The following TRAF5 variants were observed in gnomAD, a reference collection of about 807,000 sequenced individuals.
TRAF5 encodes TNF receptor associated factor 5.
TRAF5 carries 48 observed loss-of-function variants against 64.5 expected under a neutral mutation model. The ratio of observed to expected loss-of-function variants is 0.74; its 90% confidence interval spans 0.59 to 0.95. The LOEUF (loss-of-function observed/expected upper bound fraction) is 0.95, where lower values mean the gene tolerates loss of function less well. TRAF5 is among the 40% of genes least tolerant of loss of function. The pLI is 0.00. For synonymous variants in TRAF5, 206 were observed against 240.5 expected, an observed-to-expected ratio of 0.86 and a Z score of 1.33; for missense variants, 545 against 662.8, an observed-to-expected ratio of 0.82 and a Z score of 1.95.
intron 1 of TRAF5, among the ~76,000 whole-genome samples, chr1:211,346,171 C>T (rs1157005183): frequency 6.6e-6 from 1 of 152,214 alleles, no homozygotes. Flanking sequence ...GAAATCAGCA[C>T]AGACACCTCA....
intron 4 of TRAF5, chr1:211,357,380 T>A (rs1703001012): frequency 6.6e-6 from 1 of 152,242 alleles, no homozygotes; most frequent in Admixed American, 6.5e-5. Flanking sequence ...GAACTTTTGT[T>A]ATGTTTTCAT....
chr1:211,359,858 C>A (rs367703932), intron 4 of TRAF5, 54 bp from the exon 5 acceptor site: 144 of 1,608,502 alleles, frequency 9.0e-5, no homozygotes, highest in Admixed American at 1.2e-4. Context: ...CAGCTGACTT[C>A]TTTCCTACCA....
chr1:211,349,359 TG>T (rs1327038994), intron 1 of TRAF5, among the ~76,000 whole-genome samples: 1 of 152,254 alleles, frequency 6.6e-6, no homozygotes, highest in Non-Finnish European at 1.5e-5. Context: ...GCAGATTCCG[TG>T]TCTGGTGAGG....
chr1:211,366,953 A>C (rs1369235206), intron 8 of TRAF5, among the ~76,000 whole-genome samples: 1 of 132,562 alleles, frequency 7.5e-6, no homozygotes, highest in African/African-American at 2.6e-5. Flanking sequence ...ATTGGAAAAC[A>C]CTTGGTCAGC....
intron 1 of TRAF5, among the ~76,000 whole-genome samples, chr1:211,347,671 T>A (rs1702653640): frequency 6.6e-6 from 1 of 152,122 alleles, no homozygotes; most frequent in African/African-American, 2.4e-5. Flanking sequence ...AAGGAGACTG[T>A]GAGAGTCACA....
chr1:211,336,834 C>CT (rs1331705298), intron 1 of TRAF5, among the ~76,000 whole-genome samples: 1 of 152,170 alleles, frequency 6.6e-6, no homozygotes, highest in East Asian at 1.9e-4. Context: ...TAATTTTTGT[C>CT]TTTTTGGTAG....
chr1:211,353,557 C>T (rs1702866091), intron 2 of TRAF5, 100 bp downstream of exon 2: 4 of 1,194,700 alleles, frequency 3.3e-6, no homozygotes, highest in South Asian at 2.7e-5. Context: ...AGTTGTTTTA[C>T]TTGGCCACAG....
intron 3 of TRAF5, 136 bp from the exon 4 acceptor site, chr1:211,356,231 A>G (rs1702959452): frequency 1.6e-6 from 1 of 619,554 alleles, no homozygotes; most frequent in Non-Finnish European, 2.8e-6. Flanking sequence ...TGTAAGTGTG[A>G]TATTTCCATT....
At chr1:211,345,750 G>A (rs1023995527) in intron 1 of TRAF5, among the ~76,000 whole-genome samples, 3 of 152,214 alleles carry the variant, frequency 2.0e-5, no homozygotes, top group African/African-American at 7.2e-5. Context: ...CCTGTCCACA[G>A]AGAGAGGGGC....
chr1:211,338,368 A>G (rs1372319110), intron 1 of TRAF5, among the ~76,000 whole-genome samples: 1 of 152,188 alleles, frequency 6.6e-6, no homozygotes, highest in Non-Finnish European at 1.5e-5. Flanking sequence ...AGTTTTGTGC[A>G]TATGCATACG....
intron 1 of TRAF5, among the ~76,000 whole-genome samples, chr1:211,345,949 C>A (rs982577767): frequency 6.6e-6 from 1 of 152,232 alleles, no homozygotes; most frequent in South Asian, 2.1e-4. Context: ...AAATTTCACC[C>A]TACCTCATGC....
At position 211,372,653 on chromosome 1, in the gene TRAF5, C is replaced by T. The variant is rs763736869; in HGVS notation, c.1625C>T (p.Thr542Ile). ...AAGAACGCCTACATTAAAGATGACA[C>T]TCTGTTCTTGAAAGTGGCCGTGGAC... ...NAKNAYIKDD[T>I]LFLKVAVDLT... is the part of the protein sequence containing the mutation. The change falls in exon 11 of 11, where the codon ACT becomes ATT. Residue 542 changes from threonine to isoleucine, a missense_variant. Coordinates refer to ENST00000261464, the MANE Select transcript of TRAF5 (RefSeq NM_001033910.3). 5.6e-6 allele frequency: 9 copies of T among 1,614,182 alleles called. 1 individual carries two copies. In the South Asian group the frequency reaches 9.9e-5, roughly 18 times the overall value.
intron 7 of TRAF5, among the ~76,000 whole-genome samples, chr1:211,364,262 T>C (rs1250394286): frequency 6.6e-6 from 1 of 152,216 alleles, no homozygotes; most frequent in African/African-American, 2.4e-5. Flanking sequence ...TCTATGGTTT[T>C]GAGGGCAACA....
chr1:211,370,962 G>A (rs1703502664), intron 9 of TRAF5, among the ~76,000 whole-genome samples: 1 of 152,078 alleles, frequency 6.6e-6, no homozygotes, highest in African/African-American at 2.4e-5. Flanking sequence ...CTTCTAAGAA[G>A]AGAAAGAAGT....
At chr1:211,345,258 G>A (rs1702566098) in intron 1 of TRAF5, among the ~76,000 whole-genome samples, 1 of 152,066 alleles carries the variant, frequency 6.6e-6, no homozygotes, top group South Asian at 2.1e-4. Flanking sequence ...GTTTTGCCAT[G>A]TTGCCCAGGC....
chr1:211,369,192 G>A (rs1012603954), intron 8 of TRAF5: 9 of 229,440 alleles, frequency 3.9e-5, no homozygotes, highest in Admixed American at 5.7e-5. Flanking sequence ...GTCAGGTGAT[G>A]TCTGTCATTA....
chr1:211,337,012 G>C (rs763256773), intron 1 of TRAF5, among the ~76,000 whole-genome samples: 1 of 152,200 alleles, frequency 6.6e-6, no homozygotes, highest in Admixed American at 6.5e-5. Context: ...GATTAAAGGC[G>C]TGAGCCGCTG....
At chr1:211,361,004 T>C (rs1007491214) in intron 6 of TRAF5, 84 bp from the exon 7 acceptor site, 1 of 1,414,458 alleles carries the variant, frequency 7.1e-7, no homozygotes, top group Non-Finnish European at 1.0e-6. Context: ...CTTGCCTTCT[T>C]CCCAAGCCAC....
At chr1:211,360,620 T>TA (rs1185707924) in intron 5 of TRAF5, 82 bp from the exon 6 acceptor site, 18 of 1,131,926 alleles carry the variant, frequency 1.6e-5, no homozygotes, top group African/African-American at 3.1e-5. Context: ...ACGTGACATA[T>TA]AATCCCCAAA....
Sources: allele counts gnomAD v4.1 joint callset (sites outside exome capture counted in the v4.1 genomes callset), GRCh38; gene constraint gnomAD v4.1.1; transcripts MANE v1.5; gene names NCBI Gene and HGNC (gene_info 2026-07-23, HGNC 2026-07-21).